Variants in MSH3 observed in about 807,000 individuals in gnomAD.
MSH3 encodes the protein mutS homolog 3, also known as DNA mismatch repair protein Msh3.
A neutral mutation model predicts 123.3 loss-of-function variants in MSH3; 106 were observed. That is an observed-to-expected ratio of 0.86 (90% CI 0.73 to 1.01). The LOEUF (loss-of-function observed/expected upper bound fraction) is 1.01, where lower values mean the gene tolerates loss of function less well. Among genes scored for constraint, MSH3 ranks in the 50% least tolerant of loss-of-function variants. The probability of loss-of-function intolerance (pLI) is 0.00; values close to 1 mark genes in which losing one functional copy is unlikely to be tolerated. For synonymous variants in MSH3, 515 were observed against 481.4 expected (o/e 1.07, Z -0.91); for missense variants, 1,459 against 1,347.6 (o/e 1.08, Z -1.29).
At chr5:80,874,483 T>C (rs79008427) in intron 23 of MSH3, among the ~76,000 whole-genome samples, 2 of 152,186 alleles carry the variant, frequency 1.3e-5, no homozygotes, top group African/African-American at 2.4e-5. Flanking sequence ...CAGATTAATA[T>C]AAAATTTTTC....
rs1743487582 is a variant in MSH3, at chr5:80,735,443, T to G, written c.1569-6021T>G. Among the ~76,000 whole-genome samples the G allele has an allele frequency of 2.7e-5, 4 of 150,890 alleles. No homozygotes were observed. In the South Asian group the frequency reaches 8.4e-4, roughly 32 times the overall value. The stretch of plus-strand genomic sequence containing the variant: ...GCTCAACGCCTGTAATCCCAGCGCT[T>G]TGGGAGGTCAAGGCCTTCGGATTGC... On this transcript the variant is annotated intron_variant, in intron 10 of 23. Coordinates refer to ENST00000265081, the MANE Select transcript of MSH3 (RefSeq NM_002439.5).
intron 21 of MSH3, among the ~76,000 whole-genome samples, chr5:80,862,651 T>C (rs1170207722): frequency 6.6e-6 from 1 of 152,084 alleles, no homozygotes; most frequent in African/African-American, 2.4e-5. Flanking sequence ...TCCTAGCTAC[T>C]TGGGAAGTTG....
chr5:80,767,503 G>A (rs950995991), intron 13 of MSH3, among the ~76,000 whole-genome samples: 1 of 152,126 alleles, frequency 6.6e-6, no homozygotes, highest in Admixed American at 6.5e-5. Context: ...CTCTTTCTAT[G>A]AGCTGCATAT....
chr5:80,832,483 G>A (rs575941447), intron 20 of MSH3, among the ~76,000 whole-genome samples: 1 of 152,008 alleles, frequency 6.6e-6, no homozygotes, highest in African/African-American at 2.4e-5. Context: ...ATACAGGGTG[G>A]TGGTGCAAGC....
rs1202769574 is a variant in MSH3 at position 80,854,261 on chromosome 5, G to C, written c.2945G>C (p.Ser982Thr). The C allele has an allele frequency of 6.2e-7, 1 of 1,613,934 alleles. No individual in the cohort carries two copies. The highest frequency in any genetic ancestry group is 1.3e-5 in the African/African-American group (1 of 75,024). ...TTGGATGAACTAGGAAGAGGGACGAGCACTCATGATGGAATTGCCATTGCC... is the reference window on the plus strand; with the variant it reads ...TTGGATGAACTAGGAAGAGGGACGACCACTCATGATGGAATTGCCATTGCC... ...VILDELGRGTSTHDGIAIAYA... is the reference protein window; with the variant it reads ...VILDELGRGTTTHDGIAIAYA... The change falls in exon 21 of 24, where the codon AGC (serine) becomes ACC (threonine). Residue 982 changes from serine to threonine, a missense_variant. Transcript: ENST00000265081.
intron 8 of MSH3, among the ~76,000 whole-genome samples, chr5:80,686,991 A>C (rs77908157): frequency 0.018 from 2,738 of 152,292 alleles, 42 homozygotes; most frequent in South Asian, 0.026. Context: ...ATATTTTGTG[A>C]ATTACTGTTT....
chr5:80,681,665 ATTAAT>A (rs1352611555), intron 8 of MSH3, among the ~76,000 whole-genome samples: 1 of 145,804 alleles, frequency 6.9e-6, no homozygotes, highest in Non-Finnish European at 1.5e-5. Context: ...TATATATTTT[ATTAAT>A]TTAGATTGAG....
intron 8 of MSH3, among the ~76,000 whole-genome samples, chr5:80,720,245 G>A (rs1453279665): frequency 6.6e-6 from 1 of 152,014 alleles, no homozygotes; most frequent in African/African-American, 2.4e-5. Context: ...TACTGTGATG[G>A]TCATTATGGG....
chr5:80,670,530 C>T (rs1749681696), intron 4 of MSH3, among the ~76,000 whole-genome samples: 1 of 152,018 alleles, frequency 6.6e-6, no homozygotes, highest in Admixed American at 6.6e-5. Flanking sequence ...GGAATGTTAG[C>T]GCTTATTCTC....
intron 19 of MSH3, among the ~76,000 whole-genome samples, chr5:80,807,017 G>A (rs1561484583): frequency 6.6e-6 from 1 of 151,650 alleles, no homozygotes; most frequent in African/African-American, 2.4e-5. Context: ...AGCCTGGGAT[G>A]GGGAGACCTC....
chr5:80,847,124 A>G (rs1178572068), intron 20 of MSH3, among the ~76,000 whole-genome samples: 2 of 151,806 alleles, frequency 1.3e-5, no homozygotes, highest in Non-Finnish European at 2.9e-5. Flanking sequence ...CAGTGGTGCA[A>G]CCTCAGCTCA....
chr5:80,864,974 T>C (rs1183256766), intron 22 of MSH3, 32 bp downstream of exon 22: 4 of 1,611,486 alleles, frequency 2.5e-6, no homozygotes, highest in East Asian at 4.5e-5. Flanking sequence ...GGTACAAATA[T>C]TGGTTTTCAT....
intron 12 of MSH3, among the ~76,000 whole-genome samples, chr5:80,745,203 T>G (rs1196320202): frequency 6.6e-6 from 1 of 152,188 alleles, no homozygotes; most frequent in South Asian, 2.1e-4. Context: ...CCTGGGATGC[T>G]TCACAAAATA....
chr5:80,721,350 C>G (rs891068163), intron 8 of MSH3, among the ~76,000 whole-genome samples: 1 of 152,156 alleles, frequency 6.6e-6, no homozygotes, highest in African/African-American at 2.4e-5. Flanking sequence ...TGCTTTGCAT[C>G]ACTGGTTTTG....
At position 80,725,472 on chromosome 5, in the gene MSH3, C is replaced by T. The variant is rs539295465; in HGVS notation, c.1360C>T (p.Arg454Ter). 20 of 1,613,002 alleles carry T rather than the reference C, an allele frequency of 1.2e-5. No individual in the cohort carries two copies. The East Asian group carries it at 1.3e-4, about 11-fold the overall frequency. Reference sequence around the variant, plus strand: ...TTTCAGTGTGCAGGATGACAGAATTCGAGTCGAAAGGATGGATAACATTTA... The same window carrying T: ...TTTCAGTGTGCAGGATGACAGAATTTGAGTCGAAAGGATGGATAACATTTA... ...TSVSVQDDRI[R>*]VERMDNIYFE... Residue 454 changes from arginine to a stop codon, truncating the protein, a stop_gained, in exon 9 of 24, where the codon CGA (arginine) becomes TGA (stop). Coordinates refer to ENST00000265081, the MANE Select transcript of MSH3 (RefSeq NM_002439.5). LOFTEE classifies it high-confidence loss of function.
intron 3 of MSH3, among the ~76,000 whole-genome samples, chr5:80,667,664 C>T (rs1196875145): frequency 6.6e-6 from 1 of 152,182 alleles, no homozygotes; most frequent in African/African-American, 2.4e-5. Context: ...GTGGGCAGCT[C>T]CAGGTGCCAG....
At chr5:80,761,476 T>C in intron 12 of MSH3, 70 bp from the exon 13 acceptor site, 1 of 1,572,070 alleles carries the variant, frequency 6.4e-7, no homozygotes, top group Non-Finnish European at 8.8e-7. Context: ...TTCCTGGGCA[T>C]TAGAGTGGGA....
intron 9 of MSH3, 35 bp downstream of exon 9, chr5:80,725,600 T>C: frequency 1.4e-6 from 2 of 1,417,312 alleles, no homozygotes; most frequent in South Asian, 2.3e-5. Context: ...CAAGTTGAAC[T>C]GATTTGAAAT....
At chr5:80,688,653 G>A (rs1040310711) in intron 8 of MSH3, among the ~76,000 whole-genome samples, 5 of 151,716 alleles carry the variant, frequency 3.3e-5, no homozygotes, top group Non-Finnish European at 7.4e-5. Context: ...ATTATCAGAG[G>A]AATTGTTATG....
Sources: allele counts gnomAD v4.1 joint callset (sites outside exome capture counted in the v4.1 genomes callset), GRCh38; gene constraint gnomAD v4.1.1; transcripts MANE v1.5; gene names NCBI Gene and HGNC (gene_info 2026-07-23, HGNC 2026-07-21).